Variants in SORCS1 observed in about 807,000 individuals in gnomAD.
SORCS1 encodes sortilin related VPS10 domain containing receptor 1.
Under a neutral mutation model 146.1 loss-of-function variants are expected in SORCS1, and 60 were observed. That is an observed-to-expected ratio of 0.41 (90% CI 0.33 to 0.51). The LOEUF (loss-of-function observed/expected upper bound fraction) is 0.51, where lower values mean the gene tolerates loss of function less well. SORCS1 is among the 20% of genes least tolerant of loss of function. SORCS1 has a pLI of 0.21. For missense variants in SORCS1, 1,352 were observed against 1,487.6 expected (o/e 0.91, Z 1.50); for synonymous variants, 637 against 584.0 (o/e 1.09, Z -1.31).
rs143252773 is a variant in SORCS1 at position 106,786,067 on chromosome 10, T to C, written c.727-9375A>G. ...CGGTGTTTTATGAAGATGATTTTTT[T>C]CATGACTGCATATTCTAGGTTTAAT... On this transcript the variant is annotated intron_variant, in intron 3 of 25. Coordinates refer to ENST00000263054, the MANE Select transcript of SORCS1 (RefSeq NM_052918.5). Among the ~76,000 whole-genome samples, 462 of 152,336 alleles carry C rather than the reference T, an allele frequency of 3.0e-3. 1 individual carries two copies. Among genetic ancestry groups the C allele is most frequent in the Middle Eastern group, 0.014 (4 of 294 alleles).
intron 2 of SORCS1, among the ~76,000 whole-genome samples, chr10:106,897,269 A>G (rs1554877742): frequency 6.6e-6 from 1 of 152,010 alleles, no homozygotes; most frequent in Non-Finnish European, 1.5e-5. Flanking sequence ...GACTCAAGCA[A>G]TCCTCCTGCC....
chr10:107,035,515 T>C (rs984338638), intron 1 of SORCS1, among the ~76,000 whole-genome samples: 6 of 152,186 alleles, frequency 3.9e-5, no homozygotes, highest in Admixed American at 3.3e-4. Context: ...TATTTATCAT[T>C]AGTAACAAAT....
At chr10:106,611,684 C>T (rs960251663) in intron 22 of SORCS1, among the ~76,000 whole-genome samples, 2 of 152,168 alleles carry the variant, frequency 1.3e-5, no homozygotes, top group African/African-American at 4.8e-5. Flanking sequence ...AGGCAAGGAC[C>T]CCATGTTTGT....
At chr10:106,651,615 G>A (rs1392517210) in intron 18 of SORCS1, among the ~76,000 whole-genome samples, 1 of 152,170 alleles carries the variant, frequency 6.6e-6, no homozygotes, top group African/African-American at 2.4e-5. Context: ...CATATTTACA[G>A]AGCTTTACAC....
chr10:106,797,402 C>T (rs1946626510), intron 3 of SORCS1, among the ~76,000 whole-genome samples: 1 of 151,918 alleles, frequency 6.6e-6, no homozygotes, highest in Non-Finnish European at 1.5e-5. Flanking sequence ...ATGTTGTTAA[C>T]TCTTGGAAAT....
chr10:106,936,377 C>A (rs1162072632), intron 2 of SORCS1, among the ~76,000 whole-genome samples: 1 of 152,156 alleles, frequency 6.6e-6, no homozygotes, highest in Non-Finnish European at 1.5e-5. Context: ...CTACTCAAGT[C>A]CAAGACAGGA....
chr10:106,621,468 C>A (rs189551063), intron 19 of SORCS1, among the ~76,000 whole-genome samples: 132 of 151,720 alleles, frequency 8.7e-4, no homozygotes, highest in African/African-American at 3.1e-3. Flanking sequence ...ATGTGTTTCC[C>A]AGAGTCCTGT....
At chr10:107,092,883 G>GAAAAAAAAAAAAAAA (rs34184443) in intron 1 of SORCS1, among the ~76,000 whole-genome samples, 1 of 61,514 alleles carries the variant, frequency 1.6e-5, no homozygotes, top group Non-Finnish European at 3.0e-5. Flanking sequence ...AGAAGACCAT[G>GAAAAAAAAAAAAAAA]AAAAAAAAAA....
At chr10:106,642,244 G>C (rs1163793005) in intron 18 of SORCS1, among the ~76,000 whole-genome samples, 1 of 152,168 alleles carries the variant, frequency 6.6e-6, no homozygotes, top group Admixed American at 6.5e-5. Flanking sequence ...CATGGATAGA[G>C]GCACAAGCTC....
chr10:107,017,506 G>A (rs1957948384), intron 1 of SORCS1, among the ~76,000 whole-genome samples: 1 of 152,186 alleles, frequency 6.6e-6, no homozygotes, highest in Non-Finnish European at 1.5e-5. Flanking sequence ...TGACAGAAAA[G>A]GCAATGATGG....
chr10:106,922,959 G>A (rs1952789881), intron 2 of SORCS1, among the ~76,000 whole-genome samples: 1 of 149,554 alleles, frequency 6.7e-6, no homozygotes, highest in African/African-American at 2.5e-5. Flanking sequence ...CGCAATCTCA[G>A]CTCACTGGAA....
chr10:107,144,230 C>T (rs2134745347), intron 1 of SORCS1, among the ~76,000 whole-genome samples: 1 of 152,292 alleles, frequency 6.6e-6, no homozygotes, highest in South Asian at 2.1e-4. Context: ...GCTAGATTCT[C>T]CTCCTTTGCA....
chr10:107,100,785 C>T (rs1326138708), intron 1 of SORCS1, among the ~76,000 whole-genome samples: 2 of 152,096 alleles, frequency 1.3e-5, no homozygotes, highest in African/African-American at 2.4e-5. Flanking sequence ...AAGGGAATAC[C>T]CACATAAAAG....
chr10:107,028,582 C>T (rs958654295), intron 1 of SORCS1, among the ~76,000 whole-genome samples: 3 of 152,156 alleles, frequency 2.0e-5, no homozygotes, highest in East Asian at 1.9e-4. Context: ...TTTAATCAAT[C>T]GGTTCTCTTT....
intron 5 of SORCS1, among the ~76,000 whole-genome samples, chr10:106,734,097 A>T (rs1274428527): frequency 2.0e-5 from 3 of 152,216 alleles, no homozygotes; most frequent in African/African-American, 7.2e-5. Context: ...CTCTGTAAAT[A>T]TATGATAAAA....
At chr10:106,712,061 C>G (rs1855032757) in intron 6 of SORCS1, among the ~76,000 whole-genome samples, 1 of 152,136 alleles carries the variant, frequency 6.6e-6, no homozygotes, top group South Asian at 2.1e-4. Context: ...AACCAATGTT[C>G]CATCTTGGTT....
At chr10:106,761,682 T>G (rs1428900030) in intron 4 of SORCS1, 21 bp from the exon 5 acceptor site, 3 of 1,606,428 alleles carry the variant, frequency 1.9e-6, no homozygotes, top group Admixed American at 1.7e-5. Flanking sequence ...CAGAAATTAC[T>G]CAGCACTATG....
intron 17 of SORCS1, among the ~76,000 whole-genome samples, chr10:106,665,795 T>C (rs530566339): frequency 2.2e-4 from 33 of 152,302 alleles, no homozygotes; most frequent in Non-Finnish European, 1.3e-4. Flanking sequence ...TGCGCCATAG[T>C]ATGCCCAGAT....
intron 24 of SORCS1, among the ~76,000 whole-genome samples, chr10:106,586,587 T>C (rs997487429): frequency 1.1e-4 from 17 of 152,174 alleles, no homozygotes; most frequent in African/African-American, 3.4e-4. Flanking sequence ...CTCAGTCTAG[T>C]TACCCTGTAA....
Sources: gnomAD v4.1 joint callset for allele counts (sites outside exome capture counted in the v4.1 genomes callset) on GRCh38, gnomAD v4.1.1 for gene constraint, MANE v1.5 for transcripts, NCBI Gene and HGNC (gene_info 2026-07-23, HGNC 2026-07-21) for gene names.